NUP98: variants seen among roughly 807,000 people sequenced by gnomAD.
NUP98 encodes the protein nucleoporin 98 and 96 precursor, also known as nuclear pore complex protein Nup98-Nup96.
NUP98 carries 26 observed loss-of-function variants against 191.9 expected under a neutral mutation model. The observed-to-expected ratio is 0.14, with a 90% confidence interval of 0.10 to 0.19. NUP98 has a LOEUF of 0.19. Ranked by LOEUF, NUP98 falls within the 10% of genes least tolerant of loss-of-function variation. NUP98 has a pLI of 1.00. For missense variants in NUP98, 1,941 were observed against 2,178.8 expected, an observed-to-expected ratio of 0.89 and a Z score of 2.17; for synonymous variants, 808 against 778.4, an observed-to-expected ratio of 1.04 and a Z score of -0.63.
At chr11:3,758,842 G>A (rs978364688) in intron 10 of NUP98, among the ~76,000 whole-genome samples, 4 of 152,036 alleles carry the variant, frequency 2.6e-5, no homozygotes, top group African/African-American at 9.7e-5. Flanking sequence ...TCTTACCCAT[G>A]GTAACCAAGT....
At chr11:3,695,120 C>T (rs560155412) in intron 26 of NUP98, among the ~76,000 whole-genome samples, 1 of 152,114 alleles carries the variant, frequency 6.6e-6, no homozygotes, top group South Asian at 2.1e-4. Context: ...CCAAGATCAC[C>T]CCACTGTACT....
intron 10 of NUP98, among the ~76,000 whole-genome samples, chr11:3,754,071 T>C (rs1333204189): frequency 1.3e-5 from 2 of 152,176 alleles, no homozygotes; most frequent in African/African-American, 4.8e-5. Context: ...GGCCCAAAGC[T>C]TTCAATGCAA....
At chr11:3,763,962 C>T (rs2081258396) in intron 8 of NUP98, among the ~76,000 whole-genome samples, 1 of 152,222 alleles carries the variant, frequency 6.6e-6, no homozygotes, top group East Asian at 1.9e-4. Context: ...AATAGACTTG[C>T]TGAATAGGGA....
intron 1 of NUP98, among the ~76,000 whole-genome samples, chr11:3,796,909 C>G (rs1003767237): frequency 1.3e-5 from 2 of 152,252 alleles, no homozygotes; most frequent in Admixed American, 1.3e-4. Context: ...CGAACCGACT[C>G]CTATTCTCAG....
At chr11:3,791,532 T>TGA (rs2082348753) in intron 1 of NUP98, among the ~76,000 whole-genome samples, 1 of 41,530 alleles carries the variant, frequency 2.4e-5, no homozygotes, top group African/African-American at 1.4e-4. Flanking sequence ...AGACCTCGTC[T>TGA]CAAAAAAAAA....
chr11:3,793,261 A>G (rs189691637), intron 1 of NUP98, among the ~76,000 whole-genome samples: 159 of 152,260 alleles, frequency 1.0e-3, no homozygotes, highest in South Asian at 2.1e-3. Context: ...ACAACATAAT[A>G]TATGTCAGAA....
Position 3,714,297 on chromosome 11 carries a change from C to T in NUP98, c.2400-302G>A, listed in dbSNP as rs560610982. 2.2e-3 allele frequency among the ~76,000 whole-genome samples: 341 copies of T among 152,294 alleles called. 3 individuals are homozygous for T. The highest frequency in any genetic ancestry group is 7.7e-3 in the African/African-American group (322 of 41,564). On this transcript the variant is annotated intron_variant, in intron 18 of 32. Transcript: ENST00000324932. Reference sequence around the variant, plus strand: ...AGGAATCACTAACTTATTTAAGTTACAGTCCAGTGGTACGAACCAAGTCTT... The same window carrying T: ...AGGAATCACTAACTTATTTAAGTTATAGTCCAGTGGTACGAACCAAGTCTT...
chr11:3,749,379 CT>C, intron 11 of NUP98, among the ~76,000 whole-genome samples: 1 of 152,130 alleles, frequency 6.6e-6, no homozygotes, highest in Admixed American at 6.5e-5. Flanking sequence ...AATCCCAGCA[CT>C]TTGGGAGGCC....
intron 28 of NUP98, among the ~76,000 whole-genome samples, chr11:3,686,683 C>T (rs371676298): frequency 2.6e-5 from 4 of 152,074 alleles, no homozygotes; most frequent in Admixed American, 1.3e-4. Context: ...ACCACCATCA[C>T]GATCAAGAAA....
In NUP98 at chr11:3,702,806, C is replaced by T; in HGVS notation, c.3169G>A (p.Ala1057Thr). ...SVQECRTPRAASLMNIPSTSS... is the reference protein window; with the variant it reads ...SVQECRTPRATSLMNIPSTSS... ...GTGGATGGGATATTCATTAAAGATG[C>T]TGCTCTGGGAGTACGACATTCTTGC... Residue 1057 changes from alanine (A) to threonine (T), a missense_variant, in exon 23 of 33, where the codon GCA becomes ACA. Physicochemically the swap from Ala to Thr is moderately conservative, Grantham distance 58 (BLOSUM62 0). Transcript: ENST00000324932. 1 of 1,614,132 alleles carries T rather than the reference C, an allele frequency of 6.2e-7. No homozygotes were observed. Among genetic ancestry groups the T allele is most frequent in the Non-Finnish European group, 8.5e-7 (1 of 1,180,004 alleles).
intron 13 of NUP98, among the ~76,000 whole-genome samples, chr11:3,733,309 G>A (rs930636260): frequency 2.0e-5 from 3 of 151,948 alleles, no homozygotes; most frequent in Admixed American, 2.0e-4. Context: ...TTCACTTAAC[G>A]TTTTCTTTCT....
chr11:3,711,552 CTT>C lies in NUP98; in HGVS notation c.2742+1010_2742+1011del, dbSNP rs969810363. The C allele has an allele frequency of 2.0e-5, 3 of 153,418 alleles. No individual in the cohort carries two copies. In the Admixed American group the frequency reaches 2.0e-4, roughly 10 times the overall value. 9.5% of individuals were successfully genotyped at this position (153,418 alleles called of 1,614,324 possible). A position where few individuals can be genotyped will look rare whatever the true frequency, so the allele number is the denominator to read the frequency against. ...TTACAGAAAATAAGGCCATCTGACT[CTT>C]TCCCTCAGAAATACATATATTTATA... On this transcript the variant is annotated intron_variant, in intron 20 of 32. Coordinates refer to ENST00000324932, the MANE Select transcript of NUP98 (RefSeq NM_016320.5).
rs544366399 is a variant in NUP98 at position 3,689,157 on chromosome 11, C to T, written c.4454+2190G>A. ...CTGAGGTGAAAGGATCGCCTGAACC[C>T]GGGTGGTTGAGACTGCAATGAGCCA... is the stretch of plus-strand genomic sequence containing the variant. On this transcript the variant is annotated intron_variant, in intron 28 of 32. Coordinates refer to ENST00000324932, the MANE Select transcript of NUP98 (RefSeq NM_016320.5). Among the ~76,000 whole-genome samples, 85 of 152,080 alleles carry T rather than the reference C, an allele frequency of 5.6e-4. 1 individual carries two copies. Among genetic ancestry groups the T allele is most frequent in the African/African-American group, 2.0e-3 (82 of 41,460 alleles).
In NUP98 at chr11:3,735,342, A is replaced by G; in HGVS notation, c.1409-18T>C. ...TGTCAAAGCTTTTAAAAAAAAAAAA[A>G]GAAAACAAAATATATATATATATAT... On this transcript the variant is annotated intron_variant, in intron 12 of 32. Coordinates refer to ENST00000324932, the MANE Select transcript of NUP98 (RefSeq NM_016320.5). 4 of 1,345,760 alleles carry G rather than the reference A, an allele frequency of 3.0e-6. No homozygotes were observed. The highest frequency in any genetic ancestry group is 3.9e-6 in the Non-Finnish European group (4 of 1,027,676). The allele number at this position is 1,345,760 out of a possible 1,614,324, so 83.4% of individuals were successfully genotyped here. A position where few individuals can be genotyped will look rare whatever the true frequency, so the allele number is the denominator to read the frequency against.
In NUP98 at chr11:3,797,484, C is replaced by CGTCGCCGCCGCCGCTACCACCCCT; in HGVS notation, c.-137_-114dup. On this transcript the variant is annotated 5_prime_UTR_variant, in exon 1 of 33. Coordinates refer to ENST00000324932, the MANE Select transcript of NUP98 (RefSeq NM_016320.5). ...GAGCAGCGCGCGGCCCCCACGAAAC[C>CGTCGCCGCCGCCGCTACCACCCCT]GTCGCCGCCGCCGCTACCACCCCTG... 2.3e-6 allele frequency: 1 copy of CGTCGCCGCCGCCGCTACCACCCCT among 433,086 alleles called. No homozygotes were observed. The highest frequency in any genetic ancestry group is 4.1e-6 in the Non-Finnish European group (1 of 246,576). 26.8% of individuals were successfully genotyped at this position (433,086 alleles called of 1,614,324 possible). A position where few individuals can be genotyped will look rare whatever the true frequency, so the allele number is the denominator to read the frequency against.
At chr11:3,753,182 T>G (rs1009694477) in intron 11 of NUP98, 134 bp downstream of exon 11, 7 of 737,118 alleles carry the variant, frequency 9.5e-6, no homozygotes, top group Middle Eastern at 2.3e-4. Context: ...TGGGAATGTC[T>G]TATAAACGCA....
chr11:3,677,545 A>G (rs921244768), intron 31 of NUP98, among the ~76,000 whole-genome samples: 5 of 151,684 alleles, frequency 3.3e-5, no homozygotes, highest in South Asian at 2.1e-4. Context: ...ATGTGCTGGC[A>G]CATTGATAGT....
chr11:3,723,208 G>C lies in NUP98; in HGVS notation c.2095C>G (p.Gln699Glu). The change falls in exon 16 of 33, where the codon CAG becomes GAG. Residue 699 changes from glutamine (Q) to glutamate (E), a missense_variant. This residue lies in a region of NUP98 where 453 missense variants were observed against 438.2 expected (regional missense o/e 1.03). Transcript: ENST00000324932. ...TTTTCTATTTCTTCTCGGTCATCCT[G>C]AAGTGACTCATCATGAAAAGACGTT... ...EETSFHDESLQDDREEIENNS... is the reference protein window; with the variant it reads ...EETSFHDESLEDDREEIENNS... The C allele has an allele frequency of 1.2e-6, 2 of 1,614,116 alleles. No individual in the cohort carries two copies. Among genetic ancestry groups the C allele is most frequent in the South Asian group, 1.1e-5 (1 of 91,082 alleles).
intron 29 of NUP98, 51 bp downstream of exon 29, chr11:3,685,922 T>C (rs949216865): frequency 7.2e-7 from 1 of 1,393,864 alleles, no homozygotes. Flanking sequence ...TCCTTTGGAA[T>C]TGCCCTGTAG....
Sources: gnomAD v4.1 joint callset for allele counts (sites outside exome capture counted in the v4.1 genomes callset) on GRCh38, gnomAD v4.1.1 for gene constraint, gnomAD v4.1.1 regional missense constraint, MANE v1.5 for transcripts, NCBI Gene and HGNC (gene_info 2026-07-23, HGNC 2026-07-21) for gene names.